Variants in LRRC7 observed in about 807,000 individuals in gnomAD.
The protein encoded by LRRC7 is leucine-rich repeat-containing protein 7.
A neutral mutation model predicts 175.7 loss-of-function variants in LRRC7; 23 were observed. That is an observed-to-expected ratio of 0.13 (90% CI 0.09 to 0.19). LRRC7 has a LOEUF of 0.19. Ranked by LOEUF, LRRC7 falls within the 10% of genes least tolerant of loss-of-function variation. The probability of loss-of-function intolerance (pLI) is 1.00; values close to 1 mark genes in which losing one functional copy is unlikely to be tolerated. For synonymous variants in LRRC7, 685 were observed against 680.9 expected (o/e 1.01, Z -0.09); for missense variants, 1,354 against 1,904.7 (o/e 0.71, Z 5.38).
At chr1:69,744,946 ATTTACATGGTT>A (rs1669098711) in intron 2 of LRRC7, among the ~76,000 whole-genome samples, 1 of 151,878 alleles carries the variant, frequency 6.6e-6, no homozygotes, top group Non-Finnish European at 1.5e-5. Flanking sequence ...TTATTTAATC[ATTTACATGGTT>A]CTCTTATAAT....
chr1:69,613,128 C>T (rs1190519415), intron 1 of LRRC7, among the ~76,000 whole-genome samples: 3 of 152,074 alleles, frequency 2.0e-5, no homozygotes, highest in African/African-American at 4.8e-5. Context: ...GACTATATGG[C>T]GTAGACAGCA....
intron 3 of LRRC7, among the ~76,000 whole-genome samples, chr1:69,781,834 GAA>G (rs1335836088): frequency 7.4e-5 from 7 of 94,200 alleles, no homozygotes; most frequent in African/African-American, 1.4e-4. Flanking sequence ...AGGAAGGAAG[GAA>G]GGAAGGAAGG....
chr1:69,709,128 A>G (rs1029951485), intron 2 of LRRC7, among the ~76,000 whole-genome samples: 1 of 152,216 alleles, frequency 6.6e-6, no homozygotes, highest in African/African-American at 2.4e-5. Context: ...GAAACTTTGT[A>G]TTAGACAGGA....
In LRRC7 at chr1:70,004,022, A is replaced by G. The variant is rs959502222; in HGVS notation, c.1005-7775A>G. 2.0e-5 allele frequency among the ~76,000 whole-genome samples: 3 copies of G among 152,300 alleles called. 1 individual carries two copies. The highest frequency in any genetic ancestry group is 3.9e-4 in the East Asian group (2 of 5,184). On this transcript the variant is annotated intron_variant, in intron 11 of 26. Transcript: ENST00000651989. ...TCAAGCAGTCTAATCAACTTTCTAA[A>G]TAGTGAAAAGGAAAGCAACGGTTTC...
intron 2 of LRRC7, among the ~76,000 whole-genome samples, chr1:69,754,748 A>C (rs1011421575): frequency 2.0e-5 from 3 of 152,062 alleles, no homozygotes; most frequent in Non-Finnish European, 4.4e-5. Flanking sequence ...TGTGCATGTG[A>C]CATACAACTT....
At chr1:69,935,740 C>T (rs1168205230) in intron 8 of LRRC7, among the ~76,000 whole-genome samples, 1 of 152,042 alleles carries the variant, frequency 6.6e-6, no homozygotes, top group Non-Finnish European at 1.5e-5. Flanking sequence ...TCTGTAGGTA[C>T]TACAATTATT....
chr1:70,046,108 C>T (rs1480868803), intron 22 of LRRC7, among the ~76,000 whole-genome samples: 2 of 152,094 alleles, frequency 1.3e-5, no homozygotes, highest in African/African-American at 4.8e-5. Flanking sequence ...GAAGTTATAT[C>T]ATATGAAGAT....
intron 8 of LRRC7, among the ~76,000 whole-genome samples, chr1:69,961,566 A>G (rs539234383): frequency 1.3e-5 from 2 of 152,326 alleles, no homozygotes; most frequent in South Asian, 4.1e-4. Flanking sequence ...GCATCATGCT[A>G]CCTGACCTTA....
chr1:69,730,026 A>G (rs1171656641), intron 2 of LRRC7, among the ~76,000 whole-genome samples: 1 of 152,212 alleles, frequency 6.6e-6, no homozygotes, highest in Admixed American at 6.5e-5. Flanking sequence ...CACTCTCTGA[A>G]GCAATGACCC....
At chr1:69,706,110 G>A (rs140159865) in intron 2 of LRRC7, among the ~76,000 whole-genome samples, 3 of 152,114 alleles carry the variant, frequency 2.0e-5, no homozygotes, top group East Asian at 3.9e-4. Flanking sequence ...TCAAGTTAAT[G>A]GCCTTGTCTT....
At chr1:69,814,128 A>C (rs1034152794) in intron 4 of LRRC7, among the ~76,000 whole-genome samples, 7 of 152,066 alleles carry the variant, frequency 4.6e-5, no homozygotes, top group African/African-American at 1.7e-4. Flanking sequence ...TATGGGCTTT[A>C]TTTGTCTAAT....
At chr1:69,870,411 G>A (rs1433858577) in intron 7 of LRRC7, among the ~76,000 whole-genome samples, 1 of 151,964 alleles carries the variant, frequency 6.6e-6, no homozygotes, top group Admixed American at 6.6e-5. Flanking sequence ...ATTGAGCCTG[G>A]TATCAAGTAT....
intron 8 of LRRC7, among the ~76,000 whole-genome samples, chr1:69,947,130 A>C (rs1649415508): frequency 6.6e-6 from 1 of 151,568 alleles, no homozygotes; most frequent in Non-Finnish European, 1.5e-5. Flanking sequence ...TAAATAAATA[A>C]ATAAATAAAT....
chr1:69,568,614 C>T lies in LRRC7; in HGVS notation c.-26C>T. ...GCTGCACGACTACGCTCTCCGAAACCTCATGGGCAGTTTCTCCCGCCGGCG... is the reference window on the plus strand; with the variant it reads ...GCTGCACGACTACGCTCTCCGAAACTTCATGGGCAGTTTCTCCCGCCGGCG... On this transcript the variant is annotated 5_prime_UTR_variant, in exon 1 of 27. Transcript: ENST00000651989. 1 of 1,351,622 alleles carries T rather than the reference C, an allele frequency of 7.4e-7. No homozygotes were observed. Among genetic ancestry groups the T allele is most frequent in the Non-Finnish European group, 9.8e-7 (1 of 1,015,856 alleles). 83.7% of individuals were successfully genotyped at this position (1,351,622 alleles called of 1,614,324 possible). A position where few individuals can be genotyped will look rare whatever the true frequency, so the allele number is the denominator to read the frequency against.
intron 5 of LRRC7, among the ~76,000 whole-genome samples, chr1:69,833,053 C>T (rs771624606): frequency 6.7e-5 from 10 of 149,716 alleles, no homozygotes; most frequent in Non-Finnish European, 1.2e-4. Context: ...TGCAGTGAGC[C>T]GAGATTGCAC....
In LRRC7 at chr1:70,080,385, T is replaced by C. The variant is rs192125805; in HGVS notation, c.4452+4087T>C. On this transcript the variant is annotated intron_variant, in intron 24 of 26. Transcript: ENST00000651989. ...TGTCATTTGTTATGTAAGCGGAGTA[T>C]TGAACTTTGTTTAACCATGAAGAAG... Among the ~76,000 whole-genome samples the C allele has an allele frequency of 7.0e-4, 107 of 152,304 alleles. 3 individuals carry two copies. In the East Asian group the frequency reaches 0.019, roughly 28 times the overall value.
chr1:69,950,224 T>TATGG (rs909761399), intron 8 of LRRC7, among the ~76,000 whole-genome samples: 26 of 152,000 alleles, frequency 1.7e-4, no homozygotes, highest in African/African-American at 4.3e-4. Context: ...CAGATAGACA[T>TATGG]ATGGATGGAT....
intron 3 of LRRC7, among the ~76,000 whole-genome samples, chr1:69,766,020 T>C (rs560417989): frequency 6.4e-4 from 96 of 151,132 alleles, no homozygotes; most frequent in African/African-American, 2.1e-3. Flanking sequence ...AAGAAGTGAG[T>C]TAAAATCAAC....
At chr1:69,909,376 T>A in intron 7 of LRRC7, among the ~76,000 whole-genome samples, 1 of 152,328 alleles carries the variant, frequency 6.6e-6, no homozygotes, top group South Asian at 2.1e-4. Context: ...TGATGGTCTT[T>A]ACATTTTGGC....
Sources: gnomAD v4.1 joint callset for allele counts (sites outside exome capture counted in the v4.1 genomes callset) on GRCh38, gnomAD v4.1.1 for gene constraint, MANE v1.5 for transcripts, NCBI Gene and HGNC (gene_info 2026-07-23, HGNC 2026-07-21) for gene names.